SLC6A3: variants seen among roughly 807,000 people sequenced by gnomAD.
The protein encoded by SLC6A3 is sodium-dependent dopamine transporter.
SLC6A3 carries 19 observed loss-of-function variants against 70.4 expected under a neutral mutation model. The observed-to-expected ratio is 0.27, with a 90% CI of 0.19 to 0.40. SLC6A3 has a LOEUF of 0.40. SLC6A3 is among the 10% of genes least tolerant of loss of function. The pLI, the probability that SLC6A3 is intolerant of heterozygous loss-of-function variation, is 1.00. For synonymous variants in SLC6A3, 368 were observed against 356.6 expected (o/e 1.03, Z -0.36); for missense variants, 613 against 838.5 (o/e 0.73, Z 3.32).
intron 10 of SLC6A3, 35 bp from the exon 11 acceptor site, chr5:1,409,160 G>A: frequency 6.7e-7 from 1 of 1,484,574 alleles, no homozygotes; most frequent in South Asian, 1.2e-5. Context: ...CCTACAGAAG[G>A]GCTTTCCCCA....
Position 1,409,092 on chromosome 5 carries a change from A to G in SLC6A3, c.1432T>C (p.Phe478Leu). 6.2e-7 allele frequency: 1 copy of G among 1,612,934 alleles called. No individual in the cohort carries two copies. The highest frequency in any genetic ancestry group is 8.5e-7 in the Non-Finnish European group (1 of 1,179,776). Residue 478 changes from phenylalanine (F) to leucine (L), a missense_variant, in exon 11 of 15, where the codon TTT becomes CTT. By Grantham distance (22) the Phe-to-Leu change is conservative. Transcript: ENST00000270349. ...AAGAGGATGGACGTGCCGGCTGCAA[A>G]ATGGTCCAGGAGCGTGAAGACGTAG... Reference protein sequence around the residue: ...GIYVFTLLDHFAAGTSILFGV... With the variant: ...GIYVFTLLDHLAAGTSILFGV...
chr5:1,394,744 G>C lies in SLC6A3; in HGVS notation c.1854C>G (p.Leu618=), dbSNP rs1223917830. Residue 618 remains leucine, a synonymous_variant, in exon 15 of 15, where the codon CTC becomes CTG. Coordinates refer to ENST00000270349, the MANE Select transcript of SLC6A3 (RefSeq NM_001044.5). The surrounding 1 kb of genome is among the most constrained non-coding windows in gnomAD (Gnocchi z 4.7). ...EVRQFTLRHW[L]KV ...TTCGTCTCTGCTCCCTCTACACCTT[G>C]AGCCAGTGGCGGAGCTGGAAAGAAA... The C allele has an allele frequency of 6.2e-7, 1 of 1,614,166 alleles. No individual in the cohort carries two copies. The highest frequency in any genetic ancestry group is 8.5e-7 in the Non-Finnish European group (1 of 1,180,022).
Position 1,441,347 on chromosome 5 carries a change from C to T in SLC6A3, c.418+12G>A. 1 of 1,614,208 alleles carries T rather than the reference C, an allele frequency of 6.2e-7. No homozygotes were observed. The highest frequency in any genetic ancestry group is 8.5e-7 in the Non-Finnish European group (1 of 1,180,036). ...CGCTGCGCCAGGGTGAAGGGAGGCA[C>T]CCGCATATTACCTTTCAGTATGGGG... On this transcript the variant is annotated intron_variant, in intron 3 of 14. Coordinates refer to ENST00000270349, the MANE Select transcript of SLC6A3 (RefSeq NM_001044.5).
intron 4 of SLC6A3, among the ~76,000 whole-genome samples, chr5:1,424,240 G>A (rs974365850): frequency 3.3e-5 from 5 of 152,222 alleles, no homozygotes; most frequent in Admixed American, 6.5e-5. Flanking sequence ...GAGGCTATCC[G>A]TCACCCGCAC....
At position 1,403,012 on chromosome 5, in the gene SLC6A3, C is replaced by A. The variant is rs767241571; in HGVS notation, c.1677G>T (p.Ala559=). 4 of 1,613,944 alleles carry A rather than the reference C, an allele frequency of 2.5e-6. No individual in the cohort carries two copies. The highest frequency in any genetic ancestry group is 3.4e-6 in the Non-Finnish European group (4 of 1,180,016). ...GAYIFPDWAN[A]LGWVIATSSM... ...AGGATGTGGCGATGACCCAGCCCAG[C>A]GCGTTGGCCCAGTCGGGGAAGATGT... Residue 559 remains alanine, a synonymous_variant, in exon 13 of 15, where the codon GCG becomes GCT. Transcript: ENST00000270349.
In SLC6A3 at chr5:1,443,104, T is replaced by A; in HGVS notation, c.94A>T (p.Ile32Phe). ...NAVGPKEVEL[I>F]LVKEQNGVQL... ...ACTCCGTTCTGCTCCTTGACAAGGA[T>A]GAGCTCCACCTCCTTCGGGCCCACG... Residue 32 changes from isoleucine to phenylalanine, a missense_variant, in exon 2 of 15, where the codon ATC becomes TTC. Coordinates refer to ENST00000270349, the MANE Select transcript of SLC6A3 (RefSeq NM_001044.5). 6.2e-7 allele frequency: 1 copy of A among 1,613,548 alleles called. No homozygotes were observed. Among genetic ancestry groups the A allele is most frequent in the Non-Finnish European group, 8.5e-7 (1 of 1,179,434 alleles).
Position 1,394,370 on chromosome 5 carries a change from G to A in SLC6A3, c.*365C>T, listed in dbSNP as rs1755659884. ...TGCGTCTACAAGGATCGTGATCCCC[G>A]CCTGAGAACACAGTGCCCCTGGGGC... On this transcript the variant is annotated 3_prime_UTR_variant, in exon 15 of 15. Coordinates refer to ENST00000270349, the MANE Select transcript of SLC6A3 (RefSeq NM_001044.5). The surrounding 1 kb of genome is among the most constrained non-coding windows in gnomAD (Gnocchi z 4.7). 3 of 437,968 alleles carry A rather than the reference G, an allele frequency of 6.8e-6. No individual in the cohort carries two copies. Among genetic ancestry groups the A allele is most frequent in the South Asian group, 2.5e-5 (1 of 40,132 alleles). 27.1% of individuals were successfully genotyped at this position (437,968 alleles called of 1,614,324 possible).
Position 1,413,704 on chromosome 5 carries a change from C to T in SLC6A3, c.1156+987G>A, listed in dbSNP as rs766576556. On this transcript the variant is annotated intron_variant, in intron 8 of 14. Coordinates refer to ENST00000270349, the MANE Select transcript of SLC6A3 (RefSeq NM_001044.5). This position sits in a 1 kb window ranked among gnomAD's most constrained non-coding sequence, Gnocchi z 7.1. ...GGAGCGAAAGGGCCTCCTCCACATC[C>T]ATGTGGCAGAGCAGGCCGGGAGGCA... 5.3e-5 allele frequency among the ~76,000 whole-genome samples: 8 copies of T among 152,188 alleles called. No homozygotes were observed. The highest frequency in any genetic ancestry group is 1.0e-4 in the Non-Finnish European group (7 of 68,024).
At chr5:1,400,016 C>T (rs999053841) in intron 14 of SLC6A3, among the ~76,000 whole-genome samples, 1 of 152,238 alleles carries the variant, frequency 6.6e-6, no homozygotes, top group African/African-American at 2.4e-5. Context: ...GAACCAGCCA[C>T]AGAGAGGTGG....
Position 1,441,426 on chromosome 5 carries a change from C to T in SLC6A3, c.351G>A (p.Glu117=). 1 of 1,614,232 alleles carries T rather than the reference C, an allele frequency of 6.2e-7. No individual in the cohort carries two copies. Among genetic ancestry groups the T allele is most frequent in the Non-Finnish European group, 8.5e-7 (1 of 1,180,026 alleles). ...CCCTGTTGAACTGGCCGAGGGCCAG[C>T]TCCATGTAGAAAAGTGGCATCCCAG... ...VIAGMPLFYM[E]LALGQFNREG... Residue 117 remains glutamate, a synonymous_variant, in exon 3 of 15, where the codon GAG becomes GAA. Transcript: ENST00000270349.
intron 4 of SLC6A3, among the ~76,000 whole-genome samples, chr5:1,429,741 G>A (rs888684112): frequency 1.3e-5 from 2 of 152,176 alleles, no homozygotes; most frequent in African/African-American, 4.8e-5. Context: ...TGCGGCCACT[G>A]CCCCTGGCTC....
chr5:1,422,649 G>C lies in SLC6A3; in HGVS notation c.654-635C>G, dbSNP rs141405009. Among the ~76,000 whole-genome samples the C allele has an allele frequency of 8.0e-4, 30 of 37,690 alleles. 7 individuals are homozygous for C. Among genetic ancestry groups the C allele is most frequent in the East Asian group, 5.8e-3 (4 of 694 alleles). The allele number at this position is 37,690 out of a possible 152,430, so 24.7% of individuals were successfully genotyped here. The stretch of plus-strand genomic sequence containing the variant: ...CCACCGCTGCCCAGTGCTGCCCATG[G>C]TGCTGGGTACCCACCGCTGCCCAGT... On this transcript the variant is annotated intron_variant, in intron 4 of 14. Transcript: ENST00000270349.
At chr5:1,445,019 A>G (rs1197510615) in intron 1 of SLC6A3, among the ~76,000 whole-genome samples, 6 of 152,242 alleles carry the variant, frequency 3.9e-5, no homozygotes, top group Non-Finnish European at 5.9e-5. Flanking sequence ...GTTCCACGAG[A>G]AGAAACCAGG....
Position 1,413,782 on chromosome 5 carries a change from G to A in SLC6A3, c.1156+909C>T, listed in dbSNP as rs1367961034. On this transcript the variant is annotated intron_variant, in intron 8 of 14. Coordinates refer to ENST00000270349, the MANE Select transcript of SLC6A3 (RefSeq NM_001044.5). The surrounding 1 kb of genome is among the most constrained non-coding windows in gnomAD (Gnocchi z 7.1). ...CCGAGAAGCCTTGGGACTCCCTGGA[G>A]CTCTCGGTTGGCCCAAGTTAGGGCT... Among the ~76,000 whole-genome samples, 50 of 152,256 alleles carry A rather than the reference G, an allele frequency of 3.3e-4. No homozygotes were observed. The highest frequency in any genetic ancestry group is 1.5e-5 in the Non-Finnish European group (1 of 68,004).
In SLC6A3 at chr5:1,396,671, G is replaced by A. The variant is rs892737352; in HGVS notation, c.1840-1913C>T. Among the ~76,000 whole-genome samples, 2 of 152,134 alleles carry A rather than the reference G, an allele frequency of 1.3e-5. No homozygotes were observed. The highest frequency in any genetic ancestry group is 2.9e-5 in the Non-Finnish European group (2 of 68,026). ...GAATGAGGAGGCTGGGGAGAGATCC[G>A]CCGACAGGACCAGAGGGAACCACCT... On this transcript the variant is annotated intron_variant, in intron 14 of 14. Coordinates refer to ENST00000270349, the MANE Select transcript of SLC6A3 (RefSeq NM_001044.5). This position sits in a 1 kb window ranked among gnomAD's most constrained non-coding sequence, Gnocchi z 7.0.
In SLC6A3 at chr5:1,401,153, GACTT is replaced by G. The variant is rs1331706410; in HGVS notation, c.1768-171_1768-168del. The G allele has an allele frequency of 1.4e-6, 1 of 704,846 alleles. No individual in the cohort carries two copies. The highest frequency in any genetic ancestry group is 2.6e-6 in the Non-Finnish European group (1 of 386,712). 43.7% of individuals were successfully genotyped at this position (704,846 alleles called of 1,614,324 possible). A position where few individuals can be genotyped will look rare whatever the true frequency, so the allele number is the denominator to read the frequency against. ...ATCCATATCACCAGCGCCCACCACT[GACTT>G]ACACTGCCAGTGCCCATGCCGACCA... On this transcript the variant is annotated intron_variant, in intron 13 of 14. Transcript: ENST00000270349. The surrounding 1 kb of genome is among the most constrained non-coding windows in gnomAD (Gnocchi z 6.1).
At chr5:1,430,579 C>T (rs991127962) in intron 4 of SLC6A3, among the ~76,000 whole-genome samples, 1 of 152,326 alleles carries the variant, frequency 6.6e-6, no homozygotes, top group South Asian at 2.1e-4. Flanking sequence ...CCGGCCTGCC[C>T]GAAGGCTCCA....
In SLC6A3 at chr5:1,442,076, G is replaced by T. The variant is rs1733688508; in HGVS notation, c.287-586C>A. ...CCAGCACAAAGCCCAGGGAACCCTGGTCTCAACCTCCTAAATTCCCTCTGC... is the reference window on the plus strand; with the variant it reads ...CCAGCACAAAGCCCAGGGAACCCTGTTCTCAACCTCCTAAATTCCCTCTGC... On this transcript the variant is annotated intron_variant, in intron 2 of 14. Transcript: ENST00000270349. The surrounding 1 kb of genome is among the most constrained non-coding windows in gnomAD (Gnocchi z 5.0). Among the ~76,000 whole-genome samples the T allele has an allele frequency of 6.6e-6, 1 of 151,978 alleles. No homozygotes were observed. Among genetic ancestry groups the T allele is most frequent in the Admixed American group, 6.6e-5 (1 of 15,264 alleles).
In SLC6A3 at chr5:1,405,774, G is replaced by C. The variant is rs1439338287; in HGVS notation, c.1599+414C>G. Among the ~76,000 whole-genome samples the C allele has an allele frequency of 6.6e-6, 1 of 152,264 alleles. No homozygotes were observed. The highest frequency in any genetic ancestry group is 2.4e-5 in the African/African-American group (1 of 41,480). The stretch of plus-strand genomic sequence containing the variant: ...GGAGGCTTGCGTGAGCAACGGGACA[G>C]GGCCGAGGCCCCTGCTGCTCTCATC... On this transcript the variant is annotated intron_variant, in intron 12 of 14. Coordinates refer to ENST00000270349, the MANE Select transcript of SLC6A3 (RefSeq NM_001044.5). This position sits in a 1 kb window ranked among gnomAD's most constrained non-coding sequence, Gnocchi z 5.3.
Sources: allele counts gnomAD v4.1 joint callset (sites outside exome capture counted in the v4.1 genomes callset), GRCh38; gene constraint gnomAD v4.1.1; non-coding constraint Gnocchi (gnomAD v3.1); transcripts MANE v1.5; gene names NCBI Gene and HGNC (gene_info 2026-07-23, HGNC 2026-07-21).